Variants in PARN observed in about 807,000 individuals in gnomAD.
The protein encoded by PARN is poly(A)-specific ribonuclease.
A neutral mutation model predicts 102.8 loss-of-function variants in PARN; 71 were observed. The observed-to-expected ratio is 0.69, with a 90% CI of 0.57 to 0.84. PARN has a LOEUF of 0.84. Ranked by LOEUF, PARN falls within the 40% of genes least tolerant of loss-of-function variation. The pLI is 0.00. For synonymous variants in PARN, 261 were observed against 252.9 expected, an observed-to-expected ratio of 1.03 and a Z score of -0.30; for missense variants, 782 against 760.9, an observed-to-expected ratio of 1.03 and a Z score of -0.33.
intron 21 of PARN, among the ~76,000 whole-genome samples, chr16:14,520,654 G>A (rs956643709): frequency 3.2e-4 from 48 of 151,282 alleles, no homozygotes; most frequent in Admixed American, 2.6e-3. Flanking sequence ...AGTGGAGATC[G>A]CACCACTGCA....
At chr16:14,605,150 T>C (rs1404517042) in intron 10 of PARN, among the ~76,000 whole-genome samples, 2 of 148,424 alleles carry the variant, frequency 1.3e-5, no homozygotes, top group Middle Eastern at 3.5e-3. Context: ...CACCATGTTG[T>C]CCAGGCTGGT....
intron 22 of PARN, among the ~76,000 whole-genome samples, chr16:14,479,595 T>C (rs1963266656): frequency 6.6e-6 from 1 of 152,052 alleles, no homozygotes. Context: ...TGTTAGAGGG[T>C]ATATGCTTTC....
chr16:14,604,347 G>A (rs1358555127), intron 10 of PARN, 121 bp from the exon 11 acceptor site: 8 of 634,544 alleles, frequency 1.3e-5, no homozygotes, highest in Middle Eastern at 2.7e-4. Context: ...TGCAAACTCC[G>A]CCTCCTGGGT....
At chr16:14,564,431 A>G (rs868689230) in intron 18 of PARN, among the ~76,000 whole-genome samples, 1 of 152,238 alleles carries the variant, frequency 6.6e-6, no homozygotes. Context: ...GAAGAGAGCC[A>G]TGTGGCCGGA....
chr16:14,590,492 G>A (rs1021287589), intron 13 of PARN, among the ~76,000 whole-genome samples: 5 of 151,416 alleles, frequency 3.3e-5, no homozygotes, highest in East Asian at 1.9e-4. Context: ...AAAATTACCC[G>A]GGCATGGTAG....
intron 5 of PARN, among the ~76,000 whole-genome samples, chr16:14,621,529 T>C (rs1972298922): frequency 6.6e-6 from 1 of 152,198 alleles, no homozygotes; most frequent in Admixed American, 6.5e-5. Context: ...ACCTCTGAAC[T>C]TGGCCAGACA....
intron 22 of PARN, among the ~76,000 whole-genome samples, chr16:14,458,423 A>G (rs1229157033): frequency 6.6e-6 from 1 of 152,230 alleles, no homozygotes; most frequent in Admixed American, 6.5e-5. Flanking sequence ...CTACTTTTTA[A>G]AAATTTCCAG....
chr16:14,568,540 G>A (rs895322246), intron 18 of PARN, among the ~76,000 whole-genome samples: 5 of 151,972 alleles, frequency 3.3e-5, no homozygotes, highest in Admixed American at 1.3e-4. Flanking sequence ...AGAATGCAAT[G>A]AGCCATGTCT....
intron 19 of PARN, 122 bp downstream of exon 19, chr16:14,555,532 C>G (rs1218601973): frequency 2.1e-6 from 1 of 476,294 alleles, no homozygotes. Context: ...TCATATCAAC[C>G]ACAAAATCAC....
chr16:14,530,552 A>ATAT (rs1966268324), intron 21 of PARN, among the ~76,000 whole-genome samples: 1 of 151,888 alleles, frequency 6.6e-6, no homozygotes, highest in African/African-American at 2.4e-5. Flanking sequence ...ATTAAAAAAA[A>ATAT]AAAACTATAT....
chr16:14,496,100 A>T (rs1478107391), intron 21 of PARN, among the ~76,000 whole-genome samples: 4 of 152,162 alleles, frequency 2.6e-5, no homozygotes, highest in African/African-American at 4.8e-5. Flanking sequence ...AGTGGGTAAC[A>T]ATTCTCCTTC....
rs945541808 is a variant in PARN, at chr16:14,486,381, C to G, written c.1481-3554G>C. ...GCAAGACCCTATCTCGAAAAAAATC[C>G]TTCTCTCAAGTTTAATTTGGATTAC... On this transcript the variant is annotated intron_variant, in intron 21 of 23. Coordinates refer to ENST00000437198, the MANE Select transcript of PARN (RefSeq NM_002582.4). Among the ~76,000 whole-genome samples the G allele has an allele frequency of 4.6e-5, 7 of 152,172 alleles. No homozygotes were observed. The South Asian group carries it at 1.0e-3, about 23-fold the overall frequency.
intron 21 of PARN, 51 bp downstream of exon 21, chr16:14,551,970 G>A (rs1967332826): frequency 8.1e-7 from 1 of 1,234,390 alleles, no homozygotes; most frequent in South Asian, 1.2e-5. Context: ...GCAGTGGGAG[G>A]GCAACCTCTC....
At chr16:14,494,790 G>A (rs998714275) in intron 21 of PARN, among the ~76,000 whole-genome samples, 1 of 152,154 alleles carries the variant, frequency 6.6e-6, no homozygotes, top group African/African-American at 2.4e-5. Context: ...GCGGTGGCTT[G>A]TTAGGATGGA....
chr16:14,553,438 A>ACTTT (rs1967455241), intron 20 of PARN, among the ~76,000 whole-genome samples: 1 of 152,200 alleles, frequency 6.6e-6, no homozygotes, highest in African/African-American at 2.4e-5. Flanking sequence ...CATTTACTAA[A>ACTTT]CTTTCTTACT....
At chr16:14,566,021 C>G (rs543378970) in intron 18 of PARN, among the ~76,000 whole-genome samples, 8 of 152,178 alleles carry the variant, frequency 5.3e-5, no homozygotes, top group African/African-American at 1.9e-4. Flanking sequence ...TAACTATTAC[C>G]CACTTGCTCC....
chr16:14,596,438 A>G (rs1970517121), intron 12 of PARN, among the ~76,000 whole-genome samples: 2 of 152,014 alleles, frequency 1.3e-5, no homozygotes, highest in Non-Finnish European at 2.9e-5. Context: ...AAACCATTAA[A>G]TAAACAAGGG....
chr16:14,596,431 C>G (rs1024272112), intron 12 of PARN, among the ~76,000 whole-genome samples: 1 of 151,620 alleles, frequency 6.6e-6, no homozygotes, highest in South Asian at 2.1e-4. Flanking sequence ...TACATAAAAA[C>G]CATTAAATAA....
chr16:14,620,270 G>A (rs1276939467), intron 5 of PARN, among the ~76,000 whole-genome samples: 5 of 148,762 alleles, frequency 3.4e-5, no homozygotes, highest in Non-Finnish European at 7.4e-5. Flanking sequence ...CCAGCTACTC[G>A]GGAGGCTGAG....
Sources: allele counts gnomAD v4.1 joint callset (sites outside exome capture counted in the v4.1 genomes callset), GRCh38; gene constraint gnomAD v4.1.1; transcripts MANE v1.5; gene names NCBI Gene and HGNC (gene_info 2026-07-23, HGNC 2026-07-21).